Variants in PITPNM2 observed in about 807,000 individuals in gnomAD.
PITPNM2 encodes the protein phosphatidylinositol transfer protein membrane associated 2, also known as membrane-associated phosphatidylinositol transfer protein 2.
In PITPNM2, 35 loss-of-function variants were observed where a neutral mutation model predicts 132.2. The observed-to-expected ratio is 0.26, with a 90% confidence interval of 0.20 to 0.35. The LOEUF is 0.35. Among genes scored for constraint, PITPNM2 ranks in the 10% least tolerant of loss-of-function variants. PITPNM2 has a pLI of 1.00. For synonymous variants in PITPNM2, 738 were observed against 799.2 expected (o/e 0.92, Z 1.29); for missense variants, 1,332 against 1,912.0 (o/e 0.70, Z 5.66).
intron 2 of PITPNM2, among the ~76,000 whole-genome samples, chr12:123,050,753 A>C (rs1023741128): frequency 2.6e-5 from 4 of 152,228 alleles, no homozygotes; most frequent in Admixed American, 2.0e-4. Flanking sequence ...ACATGCCTGG[A>C]AAGTTTCCCA....
At chr12:123,057,257 G>A (rs1206966431) in intron 2 of PITPNM2, among the ~76,000 whole-genome samples, 2 of 151,844 alleles carry the variant, frequency 1.3e-5, no homozygotes, top group Non-Finnish European at 2.9e-5. Flanking sequence ...GCACATGCCT[G>A]TAATCCCAAC....
intron 2 of PITPNM2, among the ~76,000 whole-genome samples, chr12:123,085,201 A>C (rs1382114324): frequency 6.6e-6 from 1 of 152,324 alleles, no homozygotes; most frequent in Non-Finnish European, 1.5e-5. Flanking sequence ...CCAGGAGCTG[A>C]GGAGTAACTA....
intron 3 of PITPNM2, among the ~76,000 whole-genome samples, chr12:123,030,429 C>A (rs565284011): frequency 1.3e-5 from 2 of 152,302 alleles, no homozygotes; most frequent in Non-Finnish European, 2.9e-5. Flanking sequence ...CGCGGTGGCT[C>A]ACGCCTGTAA....
At chr12:123,086,162 C>G (rs941159135) in intron 2 of PITPNM2, among the ~76,000 whole-genome samples, 3 of 152,196 alleles carry the variant, frequency 2.0e-5, no homozygotes, top group Non-Finnish European at 4.4e-5. Flanking sequence ...GCAAGGTAGC[C>G]GTGAGCAAGA....
intron 2 of PITPNM2, chr12:123,081,203 C>T (rs1300834573): frequency 6.6e-6 from 1 of 152,240 alleles, no homozygotes; most frequent in Non-Finnish European, 1.5e-5. Context: ...GCTCCAGAGG[C>T]ACCTCTAAAA....
chr12:123,101,120 C>T (rs943763630), intron 2 of PITPNM2, among the ~76,000 whole-genome samples: 1 of 152,256 alleles, frequency 6.6e-6, no homozygotes, highest in Admixed American at 6.5e-5. Context: ...ACACAGTGCA[C>T]AGGCACTCTG....
rs758404931 is a variant in PITPNM2 at position 123,111,309 on chromosome 12, GAC to G, written c.-199-823_-199-822del. On this transcript the variant is annotated intron_variant, in intron 1 of 25. Transcript: ENST00000320201. The surrounding 1 kb of genome is among the most constrained non-coding windows in gnomAD (Gnocchi z 4.1). ...GCCTACAGGGCTCTCCAATGACCAT[GAC>G]AGAGAGGCTGCTTATCTGCTGGCTA... Among the ~76,000 whole-genome samples the G allele has an allele frequency of 7.2e-4, 109 of 152,334 alleles. No homozygotes were observed. The highest frequency in any genetic ancestry group is 1.1e-3 in the Non-Finnish European group (76 of 68,030).
In PITPNM2 at chr12:123,097,257, G is replaced by C. The variant is rs549833500; in HGVS notation, c.-96+13128C>G. ...GGGGTTTTGCCATGTTGGCCAGGCT[G>C]GTCTCGAACTCCTGACCTCAGGTGA... On this transcript the variant is annotated intron_variant, in intron 2 of 25. Coordinates refer to ENST00000320201, the MANE Select transcript of PITPNM2 (RefSeq NM_020845.3). The surrounding 1 kb of genome is among the most constrained non-coding windows in gnomAD (Gnocchi z 4.7). 3.3e-5 allele frequency among the ~76,000 whole-genome samples: 5 copies of C among 152,122 alleles called. No individual in the cohort carries two copies. The highest frequency in any genetic ancestry group is 6.5e-5 in the Admixed American group (1 of 15,280).
At chr12:123,048,315 A>G (rs1167534528) in intron 2 of PITPNM2, among the ~76,000 whole-genome samples, 1 of 152,238 alleles carries the variant, frequency 6.6e-6, no homozygotes, top group East Asian at 1.9e-4. Flanking sequence ...ACTTACAGGA[A>G]GTCCCTAAAG....
At chr12:123,074,871 G>A (rs1592993813) in intron 2 of PITPNM2, among the ~76,000 whole-genome samples, 1 of 152,228 alleles carries the variant, frequency 6.6e-6, no homozygotes, top group Admixed American at 6.5e-5. Flanking sequence ...GAAGTGGACA[G>A]GGACAGTTGT....
chr12:123,044,862 C>G (rs1042847445), intron 2 of PITPNM2, among the ~76,000 whole-genome samples: 21 of 152,182 alleles, frequency 1.4e-4, no homozygotes, highest in African/African-American at 5.1e-4. Flanking sequence ...TCTTAGCTCA[C>G]TGCAGCCTCC....
intron 2 of PITPNM2, among the ~76,000 whole-genome samples, chr12:123,100,875 A>G (rs1251391200): frequency 6.6e-6 from 1 of 152,126 alleles, no homozygotes; most frequent in Admixed American, 6.5e-5. Flanking sequence ...TGTTTCTATA[A>G]CTCCATATAA....
chr12:123,029,873 TGAGG>T (rs1257797580), intron 3 of PITPNM2, among the ~76,000 whole-genome samples: 1 of 146,390 alleles, frequency 6.8e-6, no homozygotes, highest in Non-Finnish European at 1.5e-5. Flanking sequence ...GAGCCATGGG[TGAGG>T]GAGGGAGGAG....
intron 3 of PITPNM2, among the ~76,000 whole-genome samples, chr12:123,033,632 T>C (rs2040168643): frequency 6.6e-6 from 1 of 152,200 alleles, no homozygotes; most frequent in African/African-American, 2.4e-5. Flanking sequence ...AGACAGGCCC[T>C]GTGCTCCTTG....
rs903527736 is a variant in PITPNM2 at position 123,005,193 on chromosome 12, G to C, written c.952+47C>G. On this transcript the variant is annotated intron_variant, in intron 7 of 25. Transcript: ENST00000320201. This position sits in a 1 kb window ranked among gnomAD's most constrained non-coding sequence, Gnocchi z 6.2. ...ATCCAGCAGTGTGTGGGGCTGCCTTGAGGGGAGGGACCTTGAGTGTGGGTG... is the reference window on the plus strand; with the variant it reads ...ATCCAGCAGTGTGTGGGGCTGCCTTCAGGGGAGGGACCTTGAGTGTGGGTG... The C allele has an allele frequency of 1.2e-5, 19 of 1,576,028 alleles. No homozygotes were observed. The highest frequency in any genetic ancestry group is 1.6e-5 in the Non-Finnish European group (18 of 1,157,708).
At chr12:123,149,313 G>A (rs1345244626) in intron 1 of PITPNM2, among the ~76,000 whole-genome samples, 2 of 152,300 alleles carry the variant, frequency 1.3e-5, no homozygotes, top group African/African-American at 4.8e-5. Context: ...CATCTTCAGG[G>A]CAGAGGATGT....
intron 2 of PITPNM2, among the ~76,000 whole-genome samples, chr12:123,038,825 C>T (rs1337340059): frequency 6.6e-6 from 1 of 152,130 alleles, no homozygotes; most frequent in Non-Finnish European, 1.5e-5. Flanking sequence ...CCTGGCCGGG[C>T]ACGGTGGCTC....
At chr12:122,988,506 CCT>C (rs1045132153) in intron 19 of PITPNM2, among the ~76,000 whole-genome samples, 156 bp from the exon 20 acceptor site, 1 of 152,120 alleles carries the variant, frequency 6.6e-6, no homozygotes, top group African/African-American at 2.4e-5. Context: ...CCCTCAGACC[CCT>C]GTTCGTTCAC....
chr12:123,060,570 A>G (rs1041614258), intron 2 of PITPNM2, among the ~76,000 whole-genome samples: 1 of 152,228 alleles, frequency 6.6e-6, no homozygotes, highest in Non-Finnish European at 1.5e-5. Flanking sequence ...TGCACACAGG[A>G]TATACAGACT....
Sources: gnomAD v4.1 joint callset for allele counts (sites outside exome capture counted in the v4.1 genomes callset) on GRCh38, gnomAD v4.1.1 for gene constraint, Gnocchi (gnomAD v3.1) non-coding constraint, MANE v1.5 for transcripts, NCBI Gene and HGNC (gene_info 2026-07-23, HGNC 2026-07-21) for gene names.